Variants in EPB41L4A observed in about 807,000 individuals in gnomAD.
EPB41L4A encodes erythrocyte membrane protein band 4.1 like 4A.
EPB41L4A carries 100 observed loss-of-function variants against 108.6 expected under a neutral mutation model. The observed-to-expected ratio is 0.92, with a 90% CI of 0.78 to 1.09. EPB41L4A has a LOEUF of 1.09. Among genes scored for constraint, EPB41L4A ranks in the 50% least tolerant of loss-of-function variants. The probability of loss-of-function intolerance (pLI) is 0.00; values close to 1 mark genes in which losing one functional copy is unlikely to be tolerated. For synonymous variants in EPB41L4A, 319 were observed against 289.0 expected, an observed-to-expected ratio of 1.10 and a Z score of -1.05; for missense variants, 1,030 against 842.7, an observed-to-expected ratio of 1.22 and a Z score of -2.75.
At chr5:112,418,472 C>T (rs143131510) in intron 1 of EPB41L4A, among the ~76,000 whole-genome samples, 71 of 152,302 alleles carry the variant, frequency 4.7e-4, no homozygotes, top group African/African-American at 1.6e-3. Flanking sequence ...TACGAACCCA[C>T]GCAAAACAAT....
chr5:112,252,865 TA>T (rs1007121669), intron 9 of EPB41L4A, among the ~76,000 whole-genome samples: 4 of 140,646 alleles, frequency 2.8e-5, no homozygotes, highest in African/African-American at 1.0e-4. Context: ...AAAAAAAAAA[TA>T]GGTATGTAAT....
intron 18 of EPB41L4A, among the ~76,000 whole-genome samples, chr5:112,180,203 A>G (rs1179077294): frequency 6.6e-6 from 1 of 152,228 alleles, no homozygotes; most frequent in East Asian, 1.9e-4. Context: ...GGAAGGCAGT[A>G]AAAACTGACA....
chr5:112,294,681 A>G (rs1474129455), intron 2 of EPB41L4A, among the ~76,000 whole-genome samples: 1 of 152,070 alleles, frequency 6.6e-6, no homozygotes, highest in Non-Finnish European at 1.5e-5. Flanking sequence ...GAGGCAGCAC[A>G]TACAACCCCC....
chr5:112,179,660 T>C (rs1272976679), intron 18 of EPB41L4A, among the ~76,000 whole-genome samples: 1 of 152,106 alleles, frequency 6.6e-6, no homozygotes, highest in African/African-American at 2.4e-5. Flanking sequence ...CTTAGCAAAC[T>C]GGAAATAGAA....
intron 1 of EPB41L4A, among the ~76,000 whole-genome samples, chr5:112,372,571 T>C (rs1310090904): frequency 6.6e-6 from 1 of 152,178 alleles, no homozygotes; most frequent in South Asian, 2.1e-4. Flanking sequence ...CAGGAAAGTA[T>C]AGGATACATT....
chr5:112,141,888 T>C (rs1759085369), downstream of EPB41L4A, among the ~76,000 whole-genome samples: 1 of 152,124 alleles, frequency 6.6e-6, no homozygotes. Flanking sequence ...GTCACTGAAT[T>C]TCATGAGATA....
chr5:112,367,879 C>T (rs984066226), intron 1 of EPB41L4A, among the ~76,000 whole-genome samples: 3 of 152,098 alleles, frequency 2.0e-5, no homozygotes, highest in Admixed American at 2.0e-4. Flanking sequence ...GCCTGCTCCA[C>T]GAAATAAAGA....
intron 15 of EPB41L4A, among the ~76,000 whole-genome samples, chr5:112,198,402 C>T (rs1762065319): frequency 6.6e-6 from 1 of 152,178 alleles, no homozygotes; most frequent in South Asian, 2.1e-4. Flanking sequence ...CCCATGCCCC[C>T]TCCAAATCTT....
chr5:112,225,282 T>C (rs1464972405), intron 12 of EPB41L4A, among the ~76,000 whole-genome samples: 1 of 152,238 alleles, frequency 6.6e-6, no homozygotes, highest in East Asian at 1.9e-4. Context: ...TTATATGCCA[T>C]CTTATGTACT....
intron 8 of EPB41L4A, 115 bp from the exon 9 acceptor site, chr5:112,259,407 C>A: frequency 1.3e-6 from 1 of 782,646 alleles, no homozygotes; most frequent in South Asian, 1.5e-5. Context: ...ATATACTGCT[C>A]CATACCCAGT....
intron 12 of EPB41L4A, among the ~76,000 whole-genome samples, chr5:112,228,095 C>A (rs1472883744): frequency 5.9e-5 from 9 of 152,202 alleles, no homozygotes; most frequent in Non-Finnish European, 1.5e-5. Context: ...AGTCACCTGT[C>A]ACATGGTAGA....
intron 1 of EPB41L4A, among the ~76,000 whole-genome samples, chr5:112,337,990 A>G (rs7720180): frequency 0.89 from 135,578 of 152,014 alleles, 60,536 homozygotes; most frequent in South Asian, 0.96. Context: ...TGAGGGTGAG[A>G]TATCTCCTAA....
intron 1 of EPB41L4A, among the ~76,000 whole-genome samples, chr5:112,416,043 T>C (rs563917115): frequency 1.3e-5 from 2 of 152,272 alleles, no homozygotes; most frequent in East Asian, 3.9e-4. Context: ...TTATTTTCCA[T>C]TTAACTGATA....
At chr5:112,179,784 C>T (rs1360532593) in intron 18 of EPB41L4A, among the ~76,000 whole-genome samples, 1 of 152,128 alleles carries the variant, frequency 6.6e-6, no homozygotes, top group Non-Finnish European at 1.5e-5. Flanking sequence ...TTGTATTCAA[C>T]ATTGTAACTC....
At chr5:112,328,262 T>C (rs973388542) in intron 1 of EPB41L4A, among the ~76,000 whole-genome samples, 13 of 151,948 alleles carry the variant, frequency 8.6e-5, no homozygotes, top group Non-Finnish European at 2.9e-5. Context: ...TAGGCCAAGA[T>C]TGTGCCACTG....
At chr5:112,402,050 TGCGTCCCC>T (rs1163957059) in intron 1 of EPB41L4A, among the ~76,000 whole-genome samples, 4 of 152,222 alleles carry the variant, frequency 2.6e-5, no homozygotes, top group Non-Finnish European at 4.4e-5. Context: ...GGTTTGGATT[TGCGTCCCC>T]GCCCAAATCT....
chr5:112,381,873 T>A lies in EPB41L4A; in HGVS notation c.99+37068A>T, dbSNP rs552452922. Among the ~76,000 whole-genome samples, 31 of 152,308 alleles carry A rather than the reference T, an allele frequency of 2.0e-4. No homozygotes were observed. The South Asian group carries it at 6.4e-3, about 32-fold the overall frequency. ...ACCAATTCCACACTGAGGAGGGGGC[T>A]CCTCCCAAAGTGAAGGAGGATCAGA... On this transcript the variant is annotated intron_variant, in intron 1 of 22. Coordinates refer to ENST00000261486, the MANE Select transcript of EPB41L4A (RefSeq NM_022140.5).
Position 112,400,244 on chromosome 5 carries a change from C to T in EPB41L4A, c.99+18697G>A, listed in dbSNP as rs140964202. 9.3e-3 allele frequency among the ~76,000 whole-genome samples: 1,420 copies of T among 152,054 alleles called. 11 individuals are homozygous for T. Among genetic ancestry groups the T allele is most frequent in the African/African-American group, 0.033 (1,370 of 41,404 alleles). ...AATAATCAGATCTCATGAGAACTCA[C>T]TCACTATCACGAGAACAGCATGCGG... On this transcript the variant is annotated intron_variant, in intron 1 of 22. Transcript: ENST00000261486.
chr5:112,409,820 T>C (rs1390401769), intron 1 of EPB41L4A, among the ~76,000 whole-genome samples: 1 of 152,094 alleles, frequency 6.6e-6, no homozygotes. Flanking sequence ...GTGGACAGCC[T>C]TACCCTTATT....
Sources: allele counts gnomAD v4.1 joint callset (sites outside exome capture counted in the v4.1 genomes callset), GRCh38; gene constraint gnomAD v4.1.1; transcripts MANE v1.5; gene names NCBI Gene and HGNC (gene_info 2026-07-23, HGNC 2026-07-21).